Variants in TMOD3 observed in about 807,000 individuals in gnomAD.
The protein encoded by TMOD3 is tropomodulin 3.
A neutral mutation model predicts 39.2 loss-of-function variants in TMOD3; 20 were observed. The ratio of observed to expected loss-of-function variants is 0.51; its 90% CI spans 0.36 to 0.74. TMOD3 has a LOEUF of 0.74. Among genes scored for constraint, TMOD3 ranks in the 30% least tolerant of loss-of-function variants. The pLI is 0.00. For synonymous variants in TMOD3, 143 were observed against 145.8 expected, an observed-to-expected ratio of 0.98 and a Z score of 0.14; for missense variants, 381 against 412.8, an observed-to-expected ratio of 0.92 and a Z score of 0.67.
intron 3 of TMOD3, among the ~76,000 whole-genome samples, chr15:51,887,151 G>A (rs2056568717): frequency 6.6e-6 from 1 of 150,972 alleles, no homozygotes. Flanking sequence ...AACCCGGGAG[G>A]TGGAGGTTGC....
chr15:51,903,911 T>C (rs1270601992), intron 9 of TMOD3, among the ~76,000 whole-genome samples: 4 of 152,228 alleles, frequency 2.6e-5, no homozygotes, highest in South Asian at 2.1e-4. Context: ...AAGTGCTCTA[T>C]TGAATGTTTA....
intron 1 of TMOD3, among the ~76,000 whole-genome samples, chr15:51,858,920 C>G (rs542809983): frequency 2.6e-5 from 4 of 152,132 alleles, no homozygotes; most frequent in Non-Finnish European, 5.9e-5. Flanking sequence ...GCCTATAATC[C>G]CAGCTACTCG....
chr15:51,900,424 A>G (rs2056644395), intron 8 of TMOD3, 126 bp downstream of exon 8: 5 of 1,029,718 alleles, frequency 4.9e-6, no homozygotes, highest in African/African-American at 1.6e-5. Context: ...CTGGGCTGAA[A>G]GGAGAGCTGA....
chr15:51,840,507 A>C (rs2056307982), intron 1 of TMOD3, among the ~76,000 whole-genome samples: 1 of 152,206 alleles, frequency 6.6e-6, no homozygotes, highest in Non-Finnish European at 1.5e-5. Flanking sequence ...GGTTACTCTT[A>C]TTATTCTTAT....
In TMOD3 at chr15:51,888,762, C is replaced by G. The variant is rs181384655; in HGVS notation, c.407-294C>G. Among the ~76,000 whole-genome samples, 4 of 152,222 alleles carry G rather than the reference C, an allele frequency of 2.6e-5. No homozygotes were observed. The East Asian group carries it at 7.7e-4, about 29-fold the overall frequency. On this transcript the variant is annotated intron_variant, in intron 4 of 9. Coordinates refer to ENST00000308580, the MANE Select transcript of TMOD3 (RefSeq NM_014547.5). ...CAAAAATAGATCATTTCCATTTTCT[C>G]TCTTAGCCACTAGATGGAGCTAAGC...
At chr15:51,853,236 C>G (rs1021998997) in intron 1 of TMOD3, among the ~76,000 whole-genome samples, 1 of 152,212 alleles carries the variant, frequency 6.6e-6, no homozygotes, top group Non-Finnish European at 1.5e-5. Flanking sequence ...GAGTCTCACT[C>G]TGTCACCCAG....
At chr15:51,902,665 T>A (rs2056658225) in intron 9 of TMOD3, among the ~76,000 whole-genome samples, 1 of 144,384 alleles carries the variant, frequency 6.9e-6, no homozygotes, top group Admixed American at 6.8e-5. Flanking sequence ...TTTTTTTTTT[T>A]TTGAGACAGA....
At chr15:51,892,658 C>T (rs1030335446) in intron 5 of TMOD3, among the ~76,000 whole-genome samples, 2 of 152,304 alleles carry the variant, frequency 1.3e-5, no homozygotes, top group East Asian at 3.9e-4. Context: ...GAGTACTCCT[C>T]GTGGGAGGAA....
chr15:51,850,969 G>A (rs1005978900), intron 1 of TMOD3, among the ~76,000 whole-genome samples: 19 of 152,236 alleles, frequency 1.2e-4, no homozygotes, highest in Middle Eastern at 3.4e-3. Flanking sequence ...TCTTGACCTC[G>A]TAATTCGCCA....
chr15:51,901,761 T>C (rs2056652018), intron 8 of TMOD3, 131 bp from the exon 9 acceptor site: 1 of 895,292 alleles, frequency 1.1e-6, no homozygotes, highest in Admixed American at 2.9e-5. Context: ...TACTGAACTA[T>C]GTATATGTTG....
At chr15:51,860,480 C>T in intron 1 of TMOD3, 1 of 568,386 alleles carries the variant, frequency 1.8e-6, no homozygotes, top group Non-Finnish European at 3.5e-6. Context: ...GATGAAAGTG[C>T]AGTGCCCAAA....
At position 51,910,793 on chromosome 15, in the gene TMOD3, T is replaced by G. The variant is rs948650759; in HGVS notation, c.*1983T>G. On this transcript the variant is annotated 3_prime_UTR_variant, in exon 10 of 10. Transcript: ENST00000308580. ...TTGGTTTTTTGGTTTTGTTTTGTTT[T>G]GTTTTTTAAATCAGTATCCAATGTT... 10 of 152,134 alleles carry G rather than the reference T, an allele frequency of 6.6e-5. No individual in the cohort carries two copies. The highest frequency in any genetic ancestry group is 2.0e-4 in the Admixed American group (3 of 15,252). The allele number at this position is 152,134 out of a possible 1,614,324, so 9.4% of individuals were successfully genotyped here.
chr15:51,908,824 T>G lies in TMOD3; in HGVS notation c.*14T>G. 1 of 1,601,814 alleles carries G rather than the reference T, an allele frequency of 6.2e-7. No individual in the cohort carries two copies. The highest frequency in any genetic ancestry group is 8.5e-7 in the Non-Finnish European group (1 of 1,174,222). Reference sequence around the variant, plus strand: ...GATCACCAGTAAGTCTGCAAAGGTGTAATCTTTGGAAGACTTCAGAAGATC... The same window carrying G: ...GATCACCAGTAAGTCTGCAAAGGTGGAATCTTTGGAAGACTTCAGAAGATC... On this transcript the variant is annotated 3_prime_UTR_variant, in exon 10 of 10. Coordinates refer to ENST00000308580, the MANE Select transcript of TMOD3 (RefSeq NM_014547.5).
chr15:51,869,929 G>T (rs1013131021), intron 3 of TMOD3, among the ~76,000 whole-genome samples: 10 of 151,736 alleles, frequency 6.6e-5, no homozygotes, highest in South Asian at 6.2e-4. Flanking sequence ...GGCTGTGGTT[G>T]TTTTTTTGTT....
intron 2 of TMOD3, 63 bp downstream of exon 2, chr15:51,863,073 G>A: frequency 6.6e-7 from 1 of 1,526,140 alleles, no homozygotes; most frequent in Non-Finnish European, 8.9e-7. Context: ...CTCAGTAGCT[G>A]CCTTTGAGCT....
intron 5 of TMOD3, chr15:51,892,582 C>T (rs898616138): frequency 2.0e-5 from 3 of 152,146 alleles, no homozygotes; most frequent in Admixed American, 6.5e-5. Flanking sequence ...CCTCTCTGCT[C>T]CTTATTCCTA....
chr15:51,866,645 A>G (rs567027878), intron 2 of TMOD3, among the ~76,000 whole-genome samples: 1 of 152,216 alleles, frequency 6.6e-6, no homozygotes, highest in South Asian at 2.1e-4. Flanking sequence ...ATGAAATAGC[A>G]ATATATACAT....
intron 1 of TMOD3, among the ~76,000 whole-genome samples, chr15:51,834,659 C>T (rs1274062409): frequency 6.6e-6 from 1 of 152,146 alleles, no homozygotes; most frequent in Non-Finnish European, 1.5e-5. Context: ...GACAAAACCA[C>T]ATTTCTACTA....
chr15:51,899,139 G>C (rs1566867492), intron 7 of TMOD3: 1 of 152,130 alleles, frequency 6.6e-6, no homozygotes, highest in Non-Finnish European at 1.5e-5. Context: ...CCCTGCCTTG[G>C]AAATTAGTAC....
Sources: gnomAD v4.1 joint callset for allele counts (sites outside exome capture counted in the v4.1 genomes callset) on GRCh38, gnomAD v4.1.1 for gene constraint, MANE v1.5 for transcripts, NCBI Gene and HGNC (gene_info 2026-07-23, HGNC 2026-07-21) for gene names.